Variants in FSTL4 observed in about 807,000 individuals in gnomAD.
FSTL4 encodes follistatin-related protein 4.
FSTL4 carries 28 observed loss-of-function variants against 78.2 expected under a neutral mutation model. The observed-to-expected ratio is 0.36, with a 90% CI of 0.27 to 0.49. The LOEUF (loss-of-function observed/expected upper bound fraction) is 0.49, where lower values mean the gene tolerates loss of function less well. Ranked by LOEUF, FSTL4 falls within the 20% of genes least tolerant of loss-of-function variation. The pLI is 0.98. For synonymous variants in FSTL4, 422 were observed against 440.5 expected (o/e 0.96, Z 0.53); for missense variants, 922 against 1,084.9 (o/e 0.85, Z 2.11).
At chr5:133,445,125 G>A (rs1757235800) in intron 3 of FSTL4, among the ~76,000 whole-genome samples, 1 of 152,252 alleles carries the variant, frequency 6.6e-6, no homozygotes, top group African/African-American at 2.4e-5. Context: ...ACCTGCTTCT[G>A]CTCCCAGTGT....
At chr5:133,376,905 A>AAG (rs61070902) in intron 4 of FSTL4, among the ~76,000 whole-genome samples, 1 of 150,502 alleles carries the variant, frequency 6.6e-6, no homozygotes, top group South Asian at 2.1e-4. Context: ...AAAAAAAAAA[A>AAG]GAAAATCTAC....
chr5:133,252,280 A>G (rs1270518257), intron 6 of FSTL4: 1 of 152,214 alleles, frequency 6.6e-6, no homozygotes, highest in African/African-American at 2.4e-5. Context: ...TCAGACTAGA[A>G]GGAAAAGACC....
At chr5:133,210,425 G>T in intron 13 of FSTL4, 127 bp from the exon 14 acceptor site, 1 of 492,948 alleles carries the variant, frequency 2.0e-6, no homozygotes, top group South Asian at 3.9e-5. Context: ...GTTCCATTTG[G>T]GAACCCAGGG....
At chr5:133,785,782 C>T in the FSTL4 span, among the ~76,000 whole-genome samples, 97 of 152,236 alleles carry the variant, frequency 6.4e-4, no homozygotes, top group Non-Finnish European at 1.1e-3. Flanking sequence ...TCTGGGACAG[C>T]CATGGTTGCC....
chr5:133,460,037 A>C (rs879677519), intron 3 of FSTL4, among the ~76,000 whole-genome samples: 1 of 152,162 alleles, frequency 6.6e-6, no homozygotes, highest in African/African-American at 2.4e-5. Flanking sequence ...ATGACTTTGT[A>C]ACTTTACTTC....
the FSTL4 span, among the ~76,000 whole-genome samples, chr5:133,801,492 C>T: frequency 2.0e-5 from 3 of 152,302 alleles, no homozygotes; most frequent in East Asian, 3.9e-4. Context: ...CTGAATCTGA[C>T]GCTCCGTACC....
chr5:133,795,509 G>T, the FSTL4 span, among the ~76,000 whole-genome samples: 110 of 152,256 alleles, frequency 7.2e-4, 1 homozygote, highest in African/African-American at 2.5e-3. Flanking sequence ...AATAAGTTTA[G>T]GAAACACAGG....
chr5:133,643,016 A>T, the FSTL4 span, among the ~76,000 whole-genome samples: 1 of 152,218 alleles, frequency 6.6e-6, no homozygotes, highest in Non-Finnish European at 1.5e-5. Context: ...TAGAAAATGT[A>T]TGTCTATTAT....
chr5:133,258,895 G>A (rs1752447229), intron 6 of FSTL4, among the ~76,000 whole-genome samples: 1 of 152,168 alleles, frequency 6.6e-6, no homozygotes, highest in South Asian at 2.1e-4. Context: ...TCCAGGTCAG[G>A]AACCTTCTGA....
the FSTL4 span, among the ~76,000 whole-genome samples, chr5:133,658,712 C>T: frequency 6.6e-6 from 1 of 152,150 alleles, no homozygotes; most frequent in South Asian, 2.1e-4. Flanking sequence ...AAGGATAAAG[C>T]TTAACTGTCT....
At chr5:133,320,355 G>C (rs1005230750) in intron 4 of FSTL4, among the ~76,000 whole-genome samples, 1 of 152,112 alleles carries the variant, frequency 6.6e-6, no homozygotes, top group African/African-American at 2.4e-5. Context: ...GGTCAGATAG[G>C]AGTGACTTAG....
chr5:133,497,753 C>T (rs1004511470), intron 3 of FSTL4, among the ~76,000 whole-genome samples: 1 of 152,170 alleles, frequency 6.6e-6, no homozygotes, highest in Non-Finnish European at 1.5e-5. Context: ...CTACATTTTC[C>T]CCCTTGCTCT....
chr5:133,332,223 G>A lies in FSTL4; in HGVS notation c.410-15571C>T, dbSNP rs528951758. Among the ~76,000 whole-genome samples, 6 of 152,314 alleles carry A rather than the reference G, an allele frequency of 3.9e-5. No homozygotes were observed. In the East Asian group the frequency reaches 5.8e-4, roughly 15 times the overall value. ...CTGCACTGCTCACTCCCTGAACACC[G>A]GGAAAGGAGCGAAAGCAGCAGCCTG... On this transcript the variant is annotated intron_variant, in intron 4 of 15. Transcript: ENST00000265342.
At chr5:133,560,564 C>A (rs1561469417) in intron 3 of FSTL4, among the ~76,000 whole-genome samples, 1 of 151,992 alleles carries the variant, frequency 6.6e-6, no homozygotes, top group Non-Finnish European at 1.5e-5. Flanking sequence ...GGGGTTTTCA[C>A]CATGCTGGCC....
rs952041947 is a variant in FSTL4, at chr5:133,240,078, C to G, written c.895-6541G>C. Among the ~76,000 whole-genome samples the G allele has an allele frequency of 5.3e-4, 81 of 152,210 alleles. 2 individuals are homozygous for G. The highest frequency in any genetic ancestry group is 2.9e-5 in the Non-Finnish European group (2 of 68,040). Reference sequence around the variant, plus strand: ...CTGCTGCTCACTCTTTAGGTTTACACTGACTTTATCAGCTGCAACACTCAC... The same window carrying G: ...CTGCTGCTCACTCTTTAGGTTTACAGTGACTTTATCAGCTGCAACACTCAC... On this transcript the variant is annotated intron_variant, in intron 7 of 15. Coordinates refer to ENST00000265342, the MANE Select transcript of FSTL4 (RefSeq NM_015082.2).
chr5:133,323,882 C>T (rs151113919), intron 4 of FSTL4, among the ~76,000 whole-genome samples: 197 of 152,340 alleles, frequency 1.3e-3, no homozygotes, highest in Middle Eastern at 0.01. Context: ...GTCGCAGATC[C>T]GGCTAAGTTG....
At chr5:133,828,672 C>G in the FSTL4 span, among the ~76,000 whole-genome samples, 1 of 152,236 alleles carries the variant, frequency 6.6e-6, no homozygotes, top group African/African-American at 2.4e-5. Flanking sequence ...CACCGGACTG[C>G]TGGTTCTCTC....
chr5:133,457,247 C>A (rs1350110045), intron 3 of FSTL4, among the ~76,000 whole-genome samples: 2 of 152,198 alleles, frequency 1.3e-5, no homozygotes, highest in Non-Finnish European at 2.9e-5. Context: ...CCTGGTTGTG[C>A]AAGATGCCAC....
At chr5:133,645,486 T>C in the FSTL4 span, among the ~76,000 whole-genome samples, 1 of 152,134 alleles carries the variant, frequency 6.6e-6, no homozygotes, top group Admixed American at 6.5e-5. Flanking sequence ...ACTACCTTTT[T>C]TCATTCATTC....
Sources: allele counts gnomAD v4.1 joint callset (sites outside exome capture counted in the v4.1 genomes callset), GRCh38; gene constraint gnomAD v4.1.1; transcripts MANE v1.5; gene names NCBI Gene and HGNC (gene_info 2026-07-23, HGNC 2026-07-21).